The following CEMIP2 variants were observed in gnomAD, a reference collection of about 807,000 sequenced individuals.
CEMIP2 encodes the protein cell migration inducing hyaluronidase 2, also known as cell surface hyaluronidase CEMIP2.
Under a neutral mutation model 146.9 loss-of-function variants are expected in CEMIP2, and 79 were observed. The observed-to-expected ratio is 0.54, with a 90% CI of 0.45 to 0.65. CEMIP2 has a LOEUF of 0.65. CEMIP2 is among the 30% of genes least tolerant of loss of function. The pLI is 0.00. For missense variants in CEMIP2, 1,596 were observed against 1,696.2 expected (o/e 0.94, Z 1.04); for synonymous variants, 601 against 606.3 (o/e 0.99, Z 0.13).
At chr9:71,688,547 C>T (rs1478283236) in intron 22 of CEMIP2, among the ~76,000 whole-genome samples, 1 of 150,476 alleles carries the variant, frequency 6.6e-6, no homozygotes, top group Admixed American at 6.6e-5. Context: ...ACCAACATGC[C>T]GGCTAGTTTT....
chr9:71,692,923 G>A (rs62546962), intron 21 of CEMIP2, among the ~76,000 whole-genome samples: 192 of 150,872 alleles, frequency 1.3e-3, no homozygotes, highest in Middle Eastern at 3.4e-3. Flanking sequence ...ACAAACAAAC[G>A]ACAACAACAA....
chr9:71,695,835 G>C (rs1381690489), intron 20 of CEMIP2, among the ~76,000 whole-genome samples: 1 of 152,028 alleles, frequency 6.6e-6, no homozygotes, highest in Non-Finnish European at 1.5e-5. Flanking sequence ...CAAAAATTAG[G>C]CCGGGCATGG....
intron 7 of CEMIP2, among the ~76,000 whole-genome samples, chr9:71,731,192 G>C (rs1823606388): frequency 6.6e-6 from 1 of 152,142 alleles, no homozygotes; most frequent in Admixed American, 6.5e-5. Context: ...GTTTTGATTT[G>C]TTCAAATATT....
At chr9:71,761,184 G>T (rs1564030108) in intron 1 of CEMIP2, among the ~76,000 whole-genome samples, 1 of 152,244 alleles carries the variant, frequency 6.6e-6, no homozygotes, top group Non-Finnish European at 1.5e-5. Flanking sequence ...TTTAATTAAG[G>T]TTATAGCAAA....
At chr9:71,688,139 G>A (rs1003863123) in intron 22 of CEMIP2, among the ~76,000 whole-genome samples, 1 of 152,168 alleles carries the variant, frequency 6.6e-6, no homozygotes, top group Non-Finnish European at 1.5e-5. Flanking sequence ...TTATAGGCAT[G>A]AGCCACTGTG....
chr9:71,742,153 T>C (rs192156289), intron 4 of CEMIP2, among the ~76,000 whole-genome samples: 3 of 152,312 alleles, frequency 2.0e-5, no homozygotes, highest in East Asian at 3.9e-4. Context: ...TATTCACAGA[T>C]AAAAGTTAAC....
chr9:71,741,734 G>A (rs1322810827), intron 4 of CEMIP2, among the ~76,000 whole-genome samples: 3 of 149,302 alleles, frequency 2.0e-5, no homozygotes, highest in African/African-American at 7.4e-5. Flanking sequence ...CACCTCTGGG[G>A]TTCAAGCGAT....
intron 4 of CEMIP2, among the ~76,000 whole-genome samples, chr9:71,742,814 A>C (rs1165075539): frequency 6.6e-6 from 1 of 152,260 alleles, no homozygotes; most frequent in African/African-American, 2.4e-5. Context: ...GAGATGGATC[A>C]AGGAACATTT....
intron 1 of CEMIP2, among the ~76,000 whole-genome samples, chr9:71,758,060 C>T (rs1202489159): frequency 6.6e-6 from 1 of 152,086 alleles, no homozygotes; most frequent in Admixed American, 6.6e-5. Flanking sequence ...TAATGTATCA[C>T]CTATTCTATT....
intron 5 of CEMIP2, among the ~76,000 whole-genome samples, chr9:71,736,494 C>A (rs1318701433): frequency 1.3e-5 from 2 of 152,162 alleles, no homozygotes; most frequent in African/African-American, 4.8e-5. Context: ...CATGATGGTG[C>A]CCCTGTCCAA....
intron 12 of CEMIP2, among the ~76,000 whole-genome samples, chr9:71,720,585 C>T (rs779855124): frequency 6.6e-5 from 10 of 152,200 alleles, no homozygotes; most frequent in Non-Finnish European, 1.3e-4. Context: ...AGCCATCACG[C>T]CCGGCCCTGA....
At chr9:71,747,118 C>T (rs1824113786) in intron 2 of CEMIP2, among the ~76,000 whole-genome samples, 2 of 152,010 alleles carry the variant, frequency 1.3e-5, no homozygotes, top group African/African-American at 2.4e-5. Context: ...ATAGCCATAG[C>T]TATTTAATGT....
intron 16 of CEMIP2, 126 bp downstream of exon 16, chr9:71,711,957 C>G (rs773395287): frequency 9.3e-6 from 9 of 972,308 alleles, no homozygotes; most frequent in Admixed American, 2.6e-5. Context: ...GGAGCTGGCT[C>G]TGTGTGTATG....
intron 7 of CEMIP2, 103 bp downstream of exon 7, chr9:71,732,248 G>T: frequency 8.5e-7 from 1 of 1,175,466 alleles, no homozygotes; most frequent in Non-Finnish European, 1.2e-6. Context: ...AACATGATTT[G>T]CTTTTAATAT....
At chr9:71,727,803 G>A (rs1823434454) in intron 10 of CEMIP2, among the ~76,000 whole-genome samples, 1 of 152,184 alleles carries the variant, frequency 6.6e-6, no homozygotes, top group Non-Finnish European at 1.5e-5. Context: ...GCTCATGCCT[G>A]TAATCCCAGC....
At chr9:71,711,981 G>T in intron 16 of CEMIP2, 102 bp downstream of exon 16, 1 of 1,300,800 alleles carries the variant, frequency 7.7e-7, no homozygotes. Context: ...CCTCCCACTC[G>T]TACAGACTCG....
At chr9:71,728,231 C>CTATATATATA (rs767770130) in intron 10 of CEMIP2, among the ~76,000 whole-genome samples, 1 of 14,776 alleles carries the variant, frequency 6.8e-5, no homozygotes. Context: ...CTCTCTCTCT[C>CTATATATATA]TATATATATA....
In CEMIP2 at chr9:71,694,413, G is replaced by T. The variant is rs573187916; in HGVS notation, c.3696+96C>A. ...GCTGGGATCACAGGTGTGAGCCACC[G>T]CACCCAGCCAATTTCTGTTGTTTAT... On this transcript the variant is annotated intron_variant, in intron 21 of 23. Transcript: ENST00000377044. 27 of 958,958 alleles carry T rather than the reference G, an allele frequency of 2.8e-5. No individual in the cohort carries two copies. In the East Asian group the frequency reaches 5.4e-4, roughly 19 times the overall value. The allele number at this position is 958,958 out of a possible 1,614,324, so 59.4% of individuals were successfully genotyped here.
In CEMIP2 at chr9:71,745,582, G is replaced by A. The variant is rs755427931; in HGVS notation, c.473-3C>T. The A allele has an allele frequency of 5.0e-6, 8 of 1,590,544 alleles. No homozygotes were observed. The African/African-American group carries it at 8.1e-5, about 16-fold the overall frequency. ...ATTGTCCCCAAATACAAGCAGTCCT[G>A]CAGGGAACACCACCCTGTAAGCCAA... On this transcript the variant is annotated splice_polypyrimidine_tract_variant and splice_region_variant and intron_variant, in intron 3 of 23. Coordinates refer to ENST00000377044, the MANE Select transcript of CEMIP2 (RefSeq NM_013390.3).
Sources: allele counts gnomAD v4.1 joint callset (sites outside exome capture counted in the v4.1 genomes callset), GRCh38; gene constraint gnomAD v4.1.1; transcripts MANE v1.5; gene names NCBI Gene and HGNC (gene_info 2026-07-23, HGNC 2026-07-21).